The following ZDHHC6 variants were observed in gnomAD, a reference collection of about 807,000 sequenced individuals.
ZDHHC6 encodes palmitoyltransferase ZDHHC6.
Under a neutral mutation model 57.8 loss-of-function variants are expected in ZDHHC6, and 32 were observed. The observed-to-expected ratio is 0.55, with a 90% CI of 0.42 to 0.74. The LOEUF (loss-of-function observed/expected upper bound fraction) is 0.74. Among genes scored for constraint, ZDHHC6 ranks in the 30% least tolerant of loss-of-function variants. ZDHHC6 has a pLI of 0.00. For synonymous variants in ZDHHC6, 128 were observed against 158.0 expected (o/e 0.81, Z 1.42); for missense variants, 433 against 500.7 (o/e 0.86, Z 1.29).
At chr10:112,447,290 C>T, upstream of ZDHHC6, 4 of 1,473,604 alleles carry the variant, frequency 2.7e-6, no homozygotes, top group East Asian at 2.5e-5. Context: ...TTCCGGGGTT[C>T]CTAAGCCGCG....
downstream of ZDHHC6, among the ~76,000 whole-genome samples, chr10:112,429,903 C>T (rs73363063): frequency 1.4e-5 from 2 of 143,794 alleles, no homozygotes; most frequent in Admixed American, 7.1e-5. Flanking sequence ...TCACAGCACC[C>T]GGGCTTGGCC....
chr10:112,436,983 T>A (rs1179066645), intron 6 of ZDHHC6, among the ~76,000 whole-genome samples: 2 of 152,154 alleles, frequency 1.3e-5, no homozygotes, highest in Non-Finnish European at 2.9e-5. Context: ...CTATTCTTAT[T>A]TGAAAGAATG....
At chr10:112,447,553 A>T, upstream of ZDHHC6, 2 of 1,466,202 alleles carry the variant, frequency 1.4e-6, no homozygotes, top group South Asian at 2.4e-5. Context: ...AAGTGTGTCT[A>T]TGAGGCGCGA....
intron 1 of ZDHHC6, among the ~76,000 whole-genome samples, chr10:112,446,353 A>G (rs1846715902): frequency 6.6e-6 from 1 of 152,162 alleles, no homozygotes. Context: ...GAATTAGAAG[A>G]TTCGAGGGAA....
intron 10 of ZDHHC6, 117 bp from the exon 11 acceptor site, chr10:112,431,024 A>G: frequency 1.3e-6 from 1 of 797,084 alleles, no homozygotes. Context: ...TTTATTCCCC[A>G]CTTTGCTATC....
chr10:112,428,853 C>T (rs1844842708), downstream of ZDHHC6, among the ~76,000 whole-genome samples: 1 of 152,020 alleles, frequency 6.6e-6, no homozygotes, highest in South Asian at 2.1e-4. Flanking sequence ...TGGCCGGATA[C>T]AGCCTGGGCA....
Position 112,445,179 on chromosome 10 carries a change from C to T in ZDHHC6, c.258G>A (p.Gly86=). The T allele has an allele frequency of 6.2e-7, 1 of 1,612,546 alleles. No individual in the cohort carries two copies. Among genetic ancestry groups the T allele is most frequent in the Non-Finnish European group, 8.5e-7 (1 of 1,178,750 alleles). Residue 86 remains glycine (G), a synonymous_variant, in exon 2 of 11, where the codon GGG becomes GGA. Transcript: ENST00000369405. ...MFVGPGFVPL[G]WKPEISQDTM... ...ACAGAATCTTTCTTACCGGTTTCCA[C>T]CCCAGAGGGACAAAGCCCGGACCGA...
chr10:112,432,355 G>A, intron 9 of ZDHHC6, 21 bp downstream of exon 9: 1 of 1,610,730 alleles, frequency 6.2e-7, no homozygotes, highest in Non-Finnish European at 8.5e-7. Context: ...AAGAAGAAAT[G>A]CAGTACTTCC....
downstream of ZDHHC6, chr10:112,427,247 A>C (rs757005492): frequency 3.1e-6 from 5 of 1,613,452 alleles, no homozygotes; most frequent in Non-Finnish European, 4.2e-6. Context: ...ATCCAGAGCC[A>C]TTTTCCATTG....
At chr10:112,439,801 G>A (rs1417610457) in intron 5 of ZDHHC6, among the ~76,000 whole-genome samples, 2 of 151,842 alleles carry the variant, frequency 1.3e-5, no homozygotes, top group African/African-American at 4.8e-5. Flanking sequence ...TTAACTGTCA[G>A]TTCCTAAGGG....
At chr10:112,426,917 T>C (rs771242930), downstream of ZDHHC6, 385 of 1,377,302 alleles carry the variant, frequency 2.8e-4, 1 homozygote, top group Non-Finnish European at 3.7e-4. Flanking sequence ...GTTTAAAGTT[T>C]CCATCTAATG....
downstream of ZDHHC6, chr10:112,427,454 T>C (rs1844778276): frequency 1.6e-6 from 2 of 1,256,986 alleles, no homozygotes; most frequent in South Asian, 1.8e-5. Context: ...TTCCTCCTAT[T>C]TTTTTTTAAC....
intron 6 of ZDHHC6, among the ~76,000 whole-genome samples, chr10:112,436,237 G>A (rs1428400698): frequency 6.6e-6 from 1 of 152,230 alleles, no homozygotes; most frequent in Non-Finnish European, 1.5e-5. Context: ...CACTTTGGGA[G>A]GCCAAGGCGG....
intron 6 of ZDHHC6, among the ~76,000 whole-genome samples, chr10:112,435,126 T>G (rs2133809507): frequency 6.6e-6 from 1 of 152,356 alleles, no homozygotes; most frequent in South Asian, 2.1e-4. Flanking sequence ...TGCATGTACA[T>G]AACTATTCAG....
At chr10:112,433,311 G>A in intron 7 of ZDHHC6, 30 bp from the exon 8 acceptor site, 1 of 1,479,788 alleles carries the variant, frequency 6.8e-7, no homozygotes, top group South Asian at 1.3e-5. Context: ...AGAAAAAAAT[G>A]AAGTCTCTTG....
At chr10:112,447,305 C>G (rs1846875523), upstream of ZDHHC6, 3 of 1,532,036 alleles carry the variant, frequency 2.0e-6, no homozygotes, top group South Asian at 1.2e-5. Flanking sequence ...GCCGCGGGGC[C>G]CCTCGCTGCC....
chr10:112,427,708 C>A (rs1224661534), downstream of ZDHHC6: 8 of 164,630 alleles, frequency 4.9e-5, no homozygotes, highest in Non-Finnish European at 2.6e-5. Flanking sequence ...ACCCTCTGTG[C>A]CTTCTTCTTT....
At chr10:112,427,444 TTCC>T (rs1293996078), downstream of ZDHHC6, 3 of 1,341,672 alleles carry the variant, frequency 2.2e-6, no homozygotes, top group Admixed American at 2.9e-5. Context: ...TGTTTTGCCT[TTCC>T]TCCTATTTTT....
At chr10:112,425,527 C>G (rs1355391031), downstream of ZDHHC6, 6 of 1,482,472 alleles carry the variant, frequency 4.0e-6, no homozygotes, top group South Asian at 8.5e-5. Flanking sequence ...ACAAACCATG[C>G]TGGTTCTTGT....
Sources: gnomAD v4.1 joint callset for allele counts (sites outside exome capture counted in the v4.1 genomes callset) on GRCh38, gnomAD v4.1.1 for gene constraint, MANE v1.5 for transcripts, NCBI Gene and HGNC (gene_info 2026-07-23, HGNC 2026-07-21) for gene names.